Variants in CHD7 observed in about 807,000 individuals in gnomAD.
CHD7 encodes the protein ATP-dependent chromatin remodeler CHD7.
In CHD7, 24 loss-of-function variants were observed where a neutral mutation model predicts 307.3. The ratio of observed to expected loss-of-function variants is 0.08; its 90% CI spans 0.06 to 0.11. CHD7 has a LOEUF of 0.11. Ranked by LOEUF, CHD7 falls within the 10% of genes least tolerant of loss-of-function variation. CHD7 has a pLI of 1.00. For missense variants in CHD7, 3,106 were observed against 3,727.1 expected, an observed-to-expected ratio of 0.83 and a Z score of 4.34; for synonymous variants, 1,363 against 1,349.9, an observed-to-expected ratio of 1.01 and a Z score of -0.21.
At chr8:60,800,553 G>T in intron 5 of CHD7, 28 bp downstream of exon 5, 1 of 1,536,458 alleles carries the variant, frequency 6.5e-7, no homozygotes, top group Non-Finnish European at 8.7e-7. Context: ...GGGATTTATG[G>T]ATGCATTTTA....
At chr8:60,800,122 G>A (rs1017902267) in intron 4 of CHD7, among the ~76,000 whole-genome samples, 3 of 151,240 alleles carry the variant, frequency 2.0e-5, no homozygotes, top group Non-Finnish European at 4.4e-5. Context: ...GCTCCACCTC[G>A]TGGGTTCGCG....
chr8:60,786,706 T>C (rs892932923), intron 3 of CHD7, among the ~76,000 whole-genome samples: 2 of 152,238 alleles, frequency 1.3e-5, no homozygotes, highest in African/African-American at 4.8e-5. Flanking sequence ...GATGTGGTTA[T>C]GATGTTAGGG....
chr8:60,700,353 G>A (rs546275352), intron 1 of CHD7, among the ~76,000 whole-genome samples: 2 of 152,280 alleles, frequency 1.3e-5, no homozygotes, highest in African/African-American at 4.8e-5. Flanking sequence ...GTAGGTGTAT[G>A]TTACTTAACA....
At chr8:60,804,854 A>T (rs1812468945) in intron 6 of CHD7, among the ~76,000 whole-genome samples, 1 of 152,216 alleles carries the variant, frequency 6.6e-6, no homozygotes. Context: ...ACAGTGGGAC[A>T]AGTATGGCTT....
intron 23 of CHD7, 97 bp downstream of exon 23, chr8:60,845,506 C>T (rs186697888): frequency 3.7e-6 from 5 of 1,367,460 alleles, no homozygotes; most frequent in African/African-American, 1.4e-5. Context: ...ATGCAGAACT[C>T]GCAGATTTGG....
chr8:60,695,429 C>A (rs1281777647), intron 1 of CHD7, among the ~76,000 whole-genome samples: 1 of 152,148 alleles, frequency 6.6e-6, no homozygotes, highest in East Asian at 1.9e-4. Flanking sequence ...ATTATACTTT[C>A]AGAATCAAAA....
chr8:60,829,478 G>A lies in CHD7; in HGVS notation c.3522+672G>A, dbSNP rs1331880587. ...TAGCCGGGCGTGGTGGAACACGCCT[G>A]TAGCCCCAGCTACTCTGGACGCTGA... On this transcript the variant is annotated intron_variant, in intron 14 of 37. Coordinates refer to ENST00000423902, the MANE Select transcript of CHD7 (RefSeq NM_017780.4). 2.0e-5 allele frequency among the ~76,000 whole-genome samples: 3 copies of A among 152,158 alleles called. No individual in the cohort carries two copies. In the East Asian group the frequency reaches 5.8e-4, roughly 29 times the overall value.
chr8:60,699,644 A>T (rs1207825735), intron 1 of CHD7, among the ~76,000 whole-genome samples: 1 of 151,704 alleles, frequency 6.6e-6, no homozygotes, highest in Non-Finnish European at 1.5e-5. Flanking sequence ...GTACTCTTGG[A>T]TGAGGTGGGA....
chr8:60,814,131 T>C (rs974210802), intron 7 of CHD7, among the ~76,000 whole-genome samples: 9 of 152,228 alleles, frequency 5.9e-5, no homozygotes, highest in South Asian at 2.1e-4. Flanking sequence ...TAATTATCTA[T>C]TCAGACAAAG....
intron 1 of CHD7, among the ~76,000 whole-genome samples, chr8:60,724,441 T>C (rs1808070304): frequency 6.6e-6 from 1 of 152,266 alleles, no homozygotes; most frequent in South Asian, 2.1e-4. Flanking sequence ...GACTGCTGCA[T>C]GCAAGGCATT....
At chr8:60,729,852 T>A (rs563953516) in intron 1 of CHD7, among the ~76,000 whole-genome samples, 1 of 152,360 alleles carries the variant, frequency 6.6e-6, no homozygotes, top group East Asian at 1.9e-4. Flanking sequence ...ATGGACACAA[T>A]GTAGAAATTT....
intron 1 of CHD7, among the ~76,000 whole-genome samples, chr8:60,732,889 C>T (rs1808522673): frequency 6.6e-6 from 1 of 152,056 alleles, no homozygotes; most frequent in African/African-American, 2.4e-5. Context: ...CTAGACCTGT[C>T]TCTTCATTTG....
chr8:60,823,354 C>CTGTA (rs1179005584), intron 12 of CHD7, among the ~76,000 whole-genome samples: 2 of 151,630 alleles, frequency 1.3e-5, no homozygotes, highest in African/African-American at 4.9e-5. Context: ...AATGGAAGTC[C>CTGTA]TGTAAATAGG....
At position 60,781,337 on chromosome 8, in the gene CHD7, C is replaced by T. The variant is rs1450317272; in HGVS notation, c.2003C>T (p.Pro668Leu). The T allele has an allele frequency of 6.4e-7, 1 of 1,571,078 alleles. No homozygotes were observed. The highest frequency in any genetic ancestry group is 1.2e-5 in the South Asian group (1 of 83,818). Residue 668 changes from proline to leucine, a missense_variant, in exon 3 of 38, where the codon CCC (proline) becomes CTC (leucine). Coordinates refer to ENST00000423902, the MANE Select transcript of CHD7 (RefSeq NM_017780.4). ...AAGGAGAAAAAAGAGCCCAAGGAAC[C>T]CAAGACCCCGAAAGCCCCTAAGATT... ...EPKEKKEPKE[P>L]KTPKAPKIPK...
chr8:60,806,340 A>T (rs535867898), intron 6 of CHD7, among the ~76,000 whole-genome samples: 7 of 152,144 alleles, frequency 4.6e-5, no homozygotes, highest in African/African-American at 1.2e-4. Flanking sequence ...TCCAGCCTGG[A>T]TGACAGAGCA....
At chr8:60,764,619 C>G (rs1035664568) in intron 2 of CHD7, among the ~76,000 whole-genome samples, 16 of 152,198 alleles carry the variant, frequency 1.1e-4, no homozygotes, top group African/African-American at 3.9e-4. Flanking sequence ...TCCATCTATT[C>G]AGCCATTCAT....
chr8:60,679,651 G>GACCCCCGCCTCCC (rs1227749562), intron 1 of CHD7: 1 of 146,906 alleles, frequency 6.8e-6, no homozygotes, highest in African/African-American at 2.5e-5. Flanking sequence ...GGACGGCGGC[G>GACCCCCGCCTCCC]ACCCCCGCCT....
At chr8:60,764,766 A>T (rs1389445857) in intron 2 of CHD7, among the ~76,000 whole-genome samples, 1 of 152,224 alleles carries the variant, frequency 6.6e-6, no homozygotes, top group Non-Finnish European at 1.5e-5. Context: ...AGATAAATGC[A>T]GACTTGTATG....
intron 1 of CHD7, among the ~76,000 whole-genome samples, chr8:60,694,700 A>G (rs1806374294): frequency 6.6e-6 from 1 of 152,204 alleles, no homozygotes; most frequent in Non-Finnish European, 1.5e-5. Context: ...AGGGAGAGCA[A>G]CACAGCCACT....
Sources: gnomAD v4.1 joint callset for allele counts (sites outside exome capture counted in the v4.1 genomes callset) on GRCh38, gnomAD v4.1.1 for gene constraint, MANE v1.5 for transcripts, NCBI Gene and HGNC (gene_info 2026-07-23, HGNC 2026-07-21) for gene names.